The following INTS9 variants were observed in gnomAD, a reference collection of about 807,000 sequenced individuals.
INTS9 encodes integrator complex subunit 9, also known as protein related to CPSF subunits of 74 kDa.
In INTS9, 55 loss-of-function variants were observed where a neutral mutation model predicts 79.7. The ratio of observed to expected loss-of-function variants is 0.69; its 90% confidence interval spans 0.56 to 0.86. The LOEUF (loss-of-function observed/expected upper bound fraction) is 0.86, where lower values mean the gene tolerates loss of function less well. Ranked by LOEUF, INTS9 falls within the 40% of genes least tolerant of loss-of-function variation. The probability of loss-of-function intolerance (pLI) is 0.00; values close to 1 mark genes in which losing one functional copy is unlikely to be tolerated. For missense variants in INTS9, 721 were observed against 831.5 expected, an observed-to-expected ratio of 0.87 and a Z score of 1.64; for synonymous variants, 319 against 325.2, an observed-to-expected ratio of 0.98 and a Z score of 0.20.
At chr8:28,887,271 G>A (rs956343035) in intron 1 of INTS9, among the ~76,000 whole-genome samples, 3 of 152,188 alleles carry the variant, frequency 2.0e-5, no homozygotes, top group Non-Finnish European at 4.4e-5. Context: ...GATACTGAGA[G>A]GGTTTCATGG....
chr8:28,788,354 A>G (rs1179018611), intron 10 of INTS9, among the ~76,000 whole-genome samples: 1 of 152,012 alleles, frequency 6.6e-6, no homozygotes, highest in Non-Finnish European at 1.5e-5. Flanking sequence ...ATCATATTGC[A>G]TTTAGTTGTG....
intron 11 of INTS9, among the ~76,000 whole-genome samples, chr8:28,786,647 A>C (rs1341341747): frequency 1.3e-5 from 2 of 152,120 alleles, no homozygotes; most frequent in African/African-American, 4.8e-5. Context: ...ATTTCTGTTC[A>C]ATGTATACTT....
At chr8:28,869,458 T>C (rs1224347738) in intron 1 of INTS9, among the ~76,000 whole-genome samples, 1 of 152,148 alleles carries the variant, frequency 6.6e-6, no homozygotes, top group Non-Finnish European at 1.5e-5. Context: ...TGCAGCTCAC[T>C]AGGAGATACT....
chr8:28,869,017 T>G (rs1299639029), intron 1 of INTS9, among the ~76,000 whole-genome samples: 3 of 151,772 alleles, frequency 2.0e-5, no homozygotes, highest in Non-Finnish European at 4.4e-5. Flanking sequence ...GAGAATAGCT[T>G]GAGGAGGCAG....
intron 1 of INTS9, among the ~76,000 whole-genome samples, chr8:28,879,502 G>C (rs1342837808): frequency 2.0e-5 from 3 of 152,122 alleles, no homozygotes; most frequent in South Asian, 2.1e-4. Flanking sequence ...CCTAAGATGA[G>C]GAACAAATCA....
chr8:28,850,683 C>T (rs1807781522), intron 2 of INTS9, among the ~76,000 whole-genome samples: 1 of 152,192 alleles, frequency 6.6e-6, no homozygotes, highest in Non-Finnish European at 1.5e-5. Context: ...GATAGGAGCT[C>T]TGATGAGAAC....
chr8:28,819,228 C>A (rs1805683397), intron 6 of INTS9, among the ~76,000 whole-genome samples: 1 of 152,154 alleles, frequency 6.6e-6, no homozygotes, highest in Non-Finnish European at 1.5e-5. Context: ...TTTTCTAGTT[C>A]TTTTAATTGT....
intron 8 of INTS9, among the ~76,000 whole-genome samples, chr8:28,806,939 A>G (rs1456482756): frequency 6.6e-6 from 1 of 152,218 alleles, no homozygotes; most frequent in African/African-American, 2.4e-5. Flanking sequence ...CTTAGCAAGT[A>G]TTAAACAGAG....
intron 6 of INTS9, among the ~76,000 whole-genome samples, chr8:28,833,014 GAATA>G (rs1264510210): frequency 1.3e-5 from 2 of 151,916 alleles, no homozygotes. Flanking sequence ...TTTATTAAAG[GAATA>G]AATAAATTAA....
At chr8:28,882,643 T>TTA (rs1209007543) in intron 1 of INTS9, among the ~76,000 whole-genome samples, 1 of 151,600 alleles carries the variant, frequency 6.6e-6, no homozygotes, top group Non-Finnish European at 1.5e-5. Context: ...AGACATCTTA[T>TTA]TATACACCTC....
intron 3 of INTS9, among the ~76,000 whole-genome samples, chr8:28,847,248 C>T (rs1585465028): frequency 6.6e-6 from 1 of 152,184 alleles, no homozygotes; most frequent in Admixed American, 6.5e-5. Flanking sequence ...TTATAACAAG[C>T]ACCTCCAGTG....
At chr8:28,846,857 T>C (rs371208305) in intron 3 of INTS9, 48 bp from the exon 4 acceptor site, 25 of 1,395,970 alleles carry the variant, frequency 1.8e-5, no homozygotes, top group African/African-American at 2.8e-5. Context: ...ATCCAGTAGA[T>C]ACAGGACCAA....
chr8:28,801,758 G>A (rs1440094166), intron 8 of INTS9, among the ~76,000 whole-genome samples: 1 of 152,130 alleles, frequency 6.6e-6, no homozygotes, highest in Non-Finnish European at 1.5e-5. Flanking sequence ...GACCACAGGT[G>A]TGTGCCACCA....
At position 28,859,433 on chromosome 8, in the gene INTS9, T is replaced by C. The variant is rs755987272; in HGVS notation, c.137+3A>G. Reference sequence around the variant, plus strand: ...TTTTGTCTTTGGCTGCACCAGCACATACCTTTGAACAAGTGGCAAAGGAAG... The same window carrying C: ...TTTTGTCTTTGGCTGCACCAGCACACACCTTTGAACAAGTGGCAAAGGAAG... On this transcript the variant is annotated splice_donor_region_variant and intron_variant, in intron 2 of 16. Coordinates refer to ENST00000521022, the MANE Select transcript of INTS9 (RefSeq NM_018250.4). The C allele has an allele frequency of 1.2e-6, 2 of 1,614,072 alleles. No individual in the cohort carries two copies. The highest frequency in any genetic ancestry group is 1.7e-6 in the Non-Finnish European group (2 of 1,179,942).
intron 3 of INTS9, among the ~76,000 whole-genome samples, chr8:28,848,764 C>G (rs909514156): frequency 3.9e-5 from 6 of 152,216 alleles, no homozygotes; most frequent in African/African-American, 1.4e-4. Context: ...CCTTCCCGGC[C>G]TGCAGAAGCA....
chr8:28,770,238 T>TA (rs1802453561), intron 15 of INTS9, among the ~76,000 whole-genome samples: 1 of 152,208 alleles, frequency 6.6e-6, no homozygotes, highest in East Asian at 1.9e-4. Flanking sequence ...ACCAACACCT[T>TA]ATTCGCTAAG....
chr8:28,806,927 C>T (rs944576257), intron 8 of INTS9, among the ~76,000 whole-genome samples: 1 of 152,060 alleles, frequency 6.6e-6, no homozygotes, highest in African/African-American at 2.4e-5. Flanking sequence ...CACTGAAACA[C>T]ACTTAGCAAG....
At chr8:28,784,935 A>G (rs1039430021) in intron 11 of INTS9, among the ~76,000 whole-genome samples, 5 of 152,224 alleles carry the variant, frequency 3.3e-5, no homozygotes, top group Non-Finnish European at 2.9e-5. Flanking sequence ...GCCATGGAGT[A>G]CATCTATCTG....
intron 6 of INTS9, among the ~76,000 whole-genome samples, chr8:28,819,910 C>T (rs1805726477): frequency 6.6e-6 from 1 of 152,176 alleles, no homozygotes; most frequent in Non-Finnish European, 1.5e-5. Flanking sequence ...TATGTAATGG[C>T]CTTCTTTGTC....
Sources: allele counts gnomAD v4.1 joint callset (sites outside exome capture counted in the v4.1 genomes callset), GRCh38; gene constraint gnomAD v4.1.1; transcripts MANE v1.5; gene names NCBI Gene and HGNC (gene_info 2026-07-23, HGNC 2026-07-21).